Variants in UTP20 observed in about 807,000 individuals in gnomAD.
The protein encoded by UTP20 is small subunit processome component 20 homolog.
A neutral mutation model predicts 329.5 loss-of-function variants in UTP20; 164 were observed. That is an observed-to-expected ratio of 0.50 (90% CI 0.44 to 0.57). The LOEUF (loss-of-function observed/expected upper bound fraction) is 0.57, where lower values mean the gene tolerates loss of function less well. Among genes scored for constraint, UTP20 ranks in the 20% least tolerant of loss-of-function variants. UTP20 has a pLI of 0.00. For synonymous variants in UTP20, 1,151 were observed against 1,159.3 expected (o/e 0.99, Z 0.14); for missense variants, 3,055 against 3,284.2 (o/e 0.93, Z 1.71).
Position 101,317,768 on chromosome 12 carries a change from C to T in UTP20, c.2738+105C>T, listed in dbSNP as rs752828999. 678 of 1,217,912 alleles carry T rather than the reference C, an allele frequency of 5.6e-4. 2 individuals are homozygous for T. Among genetic ancestry groups the T allele is most frequent in the Middle Eastern group, 3.8e-3 (13 of 3,436 alleles). 75.4% of individuals were successfully genotyped at this position (1,217,912 alleles called of 1,614,324 possible). On this transcript the variant is annotated intron_variant, in intron 22 of 61. Coordinates refer to ENST00000261637, the MANE Select transcript of UTP20 (RefSeq NM_014503.3). Reference sequence around the variant, plus strand: ...AATCAACTACTCAGATAATTATTTACGTAAGCGCTACATCTTCCTGGGATT... The same window carrying T: ...AATCAACTACTCAGATAATTATTTATGTAAGCGCTACATCTTCCTGGGATT...
chr12:101,369,989 G>A, intron 49 of UTP20, 98 bp downstream of exon 49: 1 of 1,244,976 alleles, frequency 8.0e-7, no homozygotes, highest in Non-Finnish European at 1.1e-6. Flanking sequence ...TGAGGTGGGA[G>A]GATTACTTGA....
chr12:101,384,120 C>A (rs1002923970), intron 60 of UTP20, among the ~76,000 whole-genome samples: 2 of 152,168 alleles, frequency 1.3e-5, no homozygotes, highest in African/African-American at 4.8e-5. Context: ...GAATGTTTCT[C>A]ACATAAAAGA....
intron 49 of UTP20, 57 bp downstream of exon 49, chr12:101,369,948 T>C: frequency 1.3e-6 from 2 of 1,550,496 alleles, no homozygotes; most frequent in Non-Finnish European, 1.8e-6. Flanking sequence ...ATGCAATAGC[T>C]CGTACCTATA....
chr12:101,354,608 T>A (rs1869653383), intron 40 of UTP20, among the ~76,000 whole-genome samples: 1 of 152,204 alleles, frequency 6.6e-6, no homozygotes, highest in African/African-American at 2.4e-5. Flanking sequence ...TGTTCTTTTA[T>A]AATCGGCAGT....
At chr12:101,321,863 G>T (rs1868380597) in intron 25 of UTP20, among the ~76,000 whole-genome samples, 1 of 148,882 alleles carries the variant, frequency 6.7e-6, no homozygotes, top group Admixed American at 6.7e-5. Context: ...TCCCACCTTG[G>T]CCTCCCAACG....
chr12:101,307,077 C>A (rs1468412416), intron 17 of UTP20, among the ~76,000 whole-genome samples: 2 of 150,890 alleles, frequency 1.3e-5, no homozygotes, highest in African/African-American at 2.4e-5. Context: ...ACTCGGGAGG[C>A]TGAGGCAGGA....
At chr12:101,344,836 T>A in intron 36 of UTP20, 86 bp downstream of exon 36, 1 of 1,141,170 alleles carries the variant, frequency 8.8e-7, no homozygotes, top group Non-Finnish European at 1.3e-6. Flanking sequence ...TATAGAAAAG[T>A]AGTCAGGCTT....
chr12:101,366,607 C>G lies in UTP20; in HGVS notation c.6175C>G (p.Leu2059Val). ...PDPRLPPQSCLLLPPTPVRGG... is the reference protein window; with the variant it reads ...PDPRLPPQSCVLLPPTPVRGG... Reference sequence around the variant, plus strand: ...TCCACGTCTACCACCCCAGAGCTGCCTTCTGCTTCCCCCAACTCCAGTTCG... The same window carrying G: ...TCCACGTCTACCACCCCAGAGCTGCGTTCTGCTTCCCCCAACTCCAGTTCG... Residue 2059 changes from leucine (L) to valine (V), a missense_variant, in exon 47 of 62, where the codon CTT becomes GTT. By Grantham distance (32) the Leu-to-Val change is conservative. Coordinates refer to ENST00000261637, the MANE Select transcript of UTP20 (RefSeq NM_014503.3). 6.2e-7 allele frequency: 1 copy of G among 1,614,172 alleles called. No individual in the cohort carries two copies. The highest frequency in any genetic ancestry group is 2.2e-5 in the East Asian group (1 of 44,884).
chr12:101,354,642 A>C (rs993723553), intron 40 of UTP20, among the ~76,000 whole-genome samples, 190 bp from the exon 41 acceptor site: 1 of 152,152 alleles, frequency 6.6e-6, no homozygotes, highest in African/African-American at 2.4e-5. Context: ...TTTAAACTCT[A>C]AACTGTGAGA....
At chr12:101,304,914 C>T (rs766332853) in intron 15 of UTP20, among the ~76,000 whole-genome samples, 8 of 152,192 alleles carry the variant, frequency 5.3e-5, no homozygotes, top group Non-Finnish European at 1.2e-4. Flanking sequence ...AGATGGCCTC[C>T]TCGATGTTCC....
At chr12:101,380,185 C>G (rs762439877) in intron 57 of UTP20, among the ~76,000 whole-genome samples, 6 of 151,970 alleles carry the variant, frequency 3.9e-5, no homozygotes, top group Non-Finnish European at 7.4e-5. Context: ...CGAGACTAGC[C>G]TGGGCAACAT....
Position 101,280,245 on chromosome 12 carries a change from C to G in UTP20, c.-38C>G, listed in dbSNP as rs1012220898. ...TACTGTCGGTTGCATCCCTTCGACA[C>G]TCCCGAGGCCGTCGCGGGCCACTGG... On this transcript the variant is annotated 5_prime_UTR_variant, in exon 1 of 62. Transcript: ENST00000261637. The G allele has an allele frequency of 6.4e-7, 1 of 1,551,586 alleles. No individual in the cohort carries two copies. The highest frequency in any genetic ancestry group is 8.7e-7 in the Non-Finnish European group (1 of 1,146,864).
At chr12:101,366,236 C>A (rs569803454) in intron 46 of UTP20, among the ~76,000 whole-genome samples, 3 of 152,224 alleles carry the variant, frequency 2.0e-5, no homozygotes, top group East Asian at 3.9e-4. Context: ...TCTCAAAAAA[C>A]AAAATCTTAT....
intron 38 of UTP20, among the ~76,000 whole-genome samples, chr12:101,350,062 A>T (rs1444111279): frequency 2.0e-5 from 3 of 152,004 alleles, no homozygotes; most frequent in African/African-American, 7.2e-5. Flanking sequence ...AATATCTTTC[A>T]TGTCTCTCCT....
intron 38 of UTP20, among the ~76,000 whole-genome samples, chr12:101,348,785 C>CTTTTTTTTTT: frequency 8.6e-6 from 1 of 115,894 alleles, no homozygotes; most frequent in Non-Finnish European, 1.7e-5. Flanking sequence ...CTTTGTTGCT[C>CTTTTTTTTTT]AGGCTGGTCT....
At chr12:101,317,699 A>C in intron 22 of UTP20, 36 bp downstream of exon 22, 1 of 1,561,024 alleles carries the variant, frequency 6.4e-7, no homozygotes, top group Non-Finnish European at 8.7e-7. Context: ...ACAGATCCAC[A>C]GTTCTGGGAG....
chr12:101,315,560 A>G (rs1409651752), intron 21 of UTP20, among the ~76,000 whole-genome samples: 1 of 152,144 alleles, frequency 6.6e-6, no homozygotes, highest in Non-Finnish European at 1.5e-5. Context: ...AAAGGTTTGC[A>G]TGGATAATTC....
intron 54 of UTP20, among the ~76,000 whole-genome samples, chr12:101,373,973 C>T (rs1344018354): frequency 6.6e-6 from 1 of 152,154 alleles, no homozygotes; most frequent in African/African-American, 2.4e-5. Flanking sequence ...CGGTGGCTCA[C>T]GCCTGTAATC....
intron 5 of UTP20, among the ~76,000 whole-genome samples, chr12:101,287,310 A>G (rs751358773): frequency 1.4e-4 from 22 of 152,262 alleles, no homozygotes; most frequent in Non-Finnish European, 2.4e-4. Flanking sequence ...CTAGTTCCCT[A>G]TGAAGCTTTT....
Sources: gnomAD v4.1 joint callset for allele counts (sites outside exome capture counted in the v4.1 genomes callset) on GRCh38, gnomAD v4.1.1 for gene constraint, MANE v1.5 for transcripts, NCBI Gene and HGNC (gene_info 2026-07-23, HGNC 2026-07-21) for gene names.